Variants in CREBBP observed in about 807,000 individuals in gnomAD.
CREBBP encodes CREB-binding protein.
A neutral mutation model predicts 265.0 loss-of-function variants in CREBBP; 19 were observed. The ratio of observed to expected loss-of-function variants is 0.07; its 90% confidence interval spans 0.05 to 0.11. The LOEUF is 0.11. Ranked by LOEUF, CREBBP falls within the 10% of genes least tolerant of loss-of-function variation. The pLI is 1.00. For missense variants in CREBBP, 2,525 were observed against 3,219.0 expected, an observed-to-expected ratio of 0.78 and a Z score of 5.22; for synonymous variants, 1,457 against 1,223.7, an observed-to-expected ratio of 1.19 and a Z score of -3.98.
chr16:3,763,104 T>C (rs1042162399), intron 16 of CREBBP, among the ~76,000 whole-genome samples: 3 of 151,996 alleles, frequency 2.0e-5, no homozygotes, highest in African/African-American at 7.2e-5. Context: ...GCTCAAGTTA[T>C]AGCACTGCCC....
intron 2 of CREBBP, among the ~76,000 whole-genome samples, chr16:3,820,169 C>A (rs1317207946): frequency 6.6e-6 from 1 of 152,200 alleles, no homozygotes; most frequent in Non-Finnish European, 1.5e-5. Context: ...TTTGTAAAGC[C>A]AAAAGCATTT....
In CREBBP at chr16:3,725,864, G is replaced by A. The variant is rs928930312; in HGVS notation, c.*1854C>T. On this transcript the variant is annotated 3_prime_UTR_variant, in exon 31 of 31. Transcript: ENST00000262367. ...CCCCCACCTAGACCAGCCTTTGTTG[G>A]GGGACTAGGGATAAAGTGGGTTCTC... The A allele has an allele frequency of 1.3e-5, 3 of 233,046 alleles. No individual in the cohort carries two copies. Among genetic ancestry groups the A allele is most frequent in the Non-Finnish European group, 1.7e-5 (2 of 118,024 alleles). The allele number at this position is 233,046 out of a possible 1,614,324, so 14.4% of individuals were successfully genotyped here.
In CREBBP at chr16:3,775,891, G is replaced by A. The variant is rs538954474; in HGVS notation, c.2159-1198C>T. Among the ~76,000 whole-genome samples the A allele has an allele frequency of 2.6e-5, 4 of 151,002 alleles. No homozygotes were observed. The South Asian group carries it at 8.4e-4, about 32-fold the overall frequency. ...CACAGCATCCAGCCACTTTCCCAAG[G>A]CTCAATTTCTCTGACTCCTTGATTT... On this transcript the variant is annotated intron_variant, in intron 11 of 30. Coordinates refer to ENST00000262367, the MANE Select transcript of CREBBP (RefSeq NM_004380.3).
At chr16:3,815,530 CAAAAAAA>C (rs1031380875) in intron 2 of CREBBP, among the ~76,000 whole-genome samples, 22 of 51,946 alleles carry the variant, frequency 4.2e-4, no homozygotes, top group Non-Finnish European at 6.2e-4. Flanking sequence ...GACTCCATCT[CAAAAAAA>C]AAAAAAAAAA....
intron 5 of CREBBP, among the ~76,000 whole-genome samples, chr16:3,791,463 C>A (rs1452851079): frequency 6.6e-6 from 1 of 152,184 alleles, no homozygotes; most frequent in Non-Finnish European, 1.5e-5. Context: ...GGGACCATAG[C>A]TCCACGTAGA....
Position 3,780,814 on chromosome 16 carries a change from C to A in CREBBP, c.1741G>T (p.Ala581Ser). The change falls in exon 8 of 31, where the codon GCT becomes TCT. Residue 581 changes from alanine to serine, a missense_variant. Physicochemically the swap from Ala to Ser is moderately conservative, Grantham distance 99. Transcript: ENST00000262367. ...CTTACACCGGTGCTAGAAGGAGGAG[C>A]TGCTGTTGGTATAGTGCTGAGGGTT... ...IGTLSTIPTA[A>S]PPSSTGVRKG... The A allele has an allele frequency of 6.2e-7, 1 of 1,613,990 alleles. No individual in the cohort carries two copies. The highest frequency in any genetic ancestry group is 1.1e-5 in the South Asian group (1 of 91,076).
intron 19 of CREBBP, among the ~76,000 whole-genome samples, chr16:3,756,868 G>A (rs1357534571): frequency 6.6e-6 from 1 of 152,160 alleles, no homozygotes; most frequent in Admixed American, 6.5e-5. Flanking sequence ...CTAGGGCTGC[G>A]TTTTAGAACG....
intron 1 of CREBBP, among the ~76,000 whole-genome samples, chr16:3,872,275 C>T (rs2055315101): frequency 6.6e-6 from 1 of 152,254 alleles, no homozygotes; most frequent in Non-Finnish European, 1.5e-5. Context: ...TGTTTACTTC[C>T]ATGCCTTTCA....
chr16:3,774,797 G>A, intron 11 of CREBBP, 104 bp from the exon 12 acceptor site: 2 of 1,430,972 alleles, frequency 1.4e-6, no homozygotes, highest in South Asian at 2.4e-5. Context: ...GAACGCACAG[G>A]CAACAGAAAA....
intron 2 of CREBBP, among the ~76,000 whole-genome samples, chr16:3,837,317 T>C (rs1359059559): frequency 6.6e-6 from 1 of 152,164 alleles, no homozygotes; most frequent in Non-Finnish European, 1.5e-5. Context: ...CAAAAAAGTT[T>C]AAAAAATTAA....
chr16:3,855,314 A>T (rs1386355562), intron 1 of CREBBP, among the ~76,000 whole-genome samples: 1 of 152,168 alleles, frequency 6.6e-6, no homozygotes, highest in African/African-American at 2.4e-5. Flanking sequence ...CCCACGCTAG[A>T]TGGAGTGCAG....
chr16:3,840,380 T>C (rs991809178), intron 2 of CREBBP: 1 of 152,344 alleles, frequency 6.6e-6, no homozygotes, highest in Non-Finnish European at 1.5e-5. Context: ...CAACACCATG[T>C]CTGCATTAAA....
intron 1 of CREBBP, among the ~76,000 whole-genome samples, chr16:3,876,010 C>G (rs2055392025): frequency 6.6e-6 from 1 of 152,124 alleles, no homozygotes; most frequent in Admixed American, 6.5e-5. Flanking sequence ...TGAAACACAG[C>G]TATGTTCAAT....
At chr16:3,826,241 T>C (rs1463855013) in intron 2 of CREBBP, among the ~76,000 whole-genome samples, 3 of 152,062 alleles carry the variant, frequency 2.0e-5, no homozygotes, top group Non-Finnish European at 4.4e-5. Context: ...TGAATACATA[T>C]CATGTAAAAG....
rs187570468 is a variant in CREBBP, at chr16:3,810,910, C to T, written c.799-131G>A. On this transcript the variant is annotated intron_variant, in intron 2 of 30. Transcript: ENST00000262367. ...TAAATTCAAGGTTCATTATCAGGTT[C>T]ACATGCTCCAAGCAGAAGGCTCATG... 1.2e-5 allele frequency: 11 copies of T among 896,658 alleles called. No individual in the cohort carries two copies. In the East Asian group the frequency reaches 2.4e-4, roughly 19 times the overall value. 55.5% of individuals were successfully genotyped at this position (896,658 alleles called of 1,614,324 possible).
rs1375989552 is a variant in CREBBP at position 3,736,202 on chromosome 16, T to C, written c.4562A>G (p.Asp1521Gly). 1 of 1,614,214 alleles carries C rather than the reference T, an allele frequency of 6.2e-7. No homozygotes were observed. The highest frequency in any genetic ancestry group is 8.5e-7 in the Non-Finnish European group (1 of 1,180,018). Residue 1521 changes from aspartate (D) to glycine (G), a missense_variant and splice_region_variant, in exon 28 of 31, where the codon GAT becomes GGT. Coordinates refer to ENST00000262367, the MANE Select transcript of CREBBP (RefSeq NM_004380.3). ...FAERIIHDYK[D>G]IFKQATEDRL... ...GTCTTCAGTTGCTTGTTTGAAAATA[T>C]CCTGAGTGGGCAAAGCACAACAGTG... is the stretch of plus-strand genomic sequence containing the variant.
At chr16:3,875,555 T>A (rs1407723004) in intron 1 of CREBBP, among the ~76,000 whole-genome samples, 2 of 152,186 alleles carry the variant, frequency 1.3e-5, no homozygotes, top group Non-Finnish European at 2.9e-5. Flanking sequence ...CACAGGTGGT[T>A]ACAAACCTCC....
intron 16 of CREBBP, among the ~76,000 whole-genome samples, chr16:3,759,531 G>A (rs1386578439): frequency 1.3e-5 from 2 of 148,398 alleles, no homozygotes; most frequent in Non-Finnish European, 1.5e-5. Flanking sequence ...AGGTTGCAGT[G>A]AGCCGAGATT....
rs1259644886 is a variant in CREBBP at position 3,729,281 on chromosome 16, G to A, written c.5766C>T (p.Pro1922=). 1 of 1,535,542 alleles carries A rather than the reference G, an allele frequency of 6.5e-7. No homozygotes were observed. Among genetic ancestry groups the A allele is most frequent in the East Asian group, 2.4e-5 (1 of 40,930 alleles). The part of the protein sequence containing the change: ...SPVSMSPAGF[P]SVARTQPPTT... The stretch of plus-strand genomic sequence containing the variant: ...TGGGGGGCTGAGTCCGGGCCACGCT[G>A]GGGAAGCCAGCTGGTGACATGCTCA... The change falls in exon 31 of 31, where the codon CCC becomes CCT. Residue 1922 remains proline (P), a synonymous_variant. Coordinates refer to ENST00000262367, the MANE Select transcript of CREBBP (RefSeq NM_004380.3).
Sources: allele counts gnomAD v4.1 joint callset (sites outside exome capture counted in the v4.1 genomes callset), GRCh38; gene constraint gnomAD v4.1.1; transcripts MANE v1.5; gene names NCBI Gene and HGNC (gene_info 2026-07-23, HGNC 2026-07-21).